MMD2: variants seen among roughly 807,000 people sequenced by gnomAD.
MMD2 encodes the protein monocyte to macrophage differentiation factor 2.
A neutral mutation model predicts 33.5 loss-of-function variants in MMD2; 30 were observed. The ratio of observed to expected loss-of-function variants is 0.90; its 90% CI spans 0.67 to 1.22. MMD2 has a LOEUF of 1.22. Ranked by LOEUF, MMD2 falls within the 50% of genes most tolerant of loss-of-function variation. The pLI is 0.00. For synonymous variants in MMD2, 129 were observed against 123.0 expected (o/e 1.05, Z -0.32); for missense variants, 364 against 325.4 (o/e 1.12, Z -0.91).
At chr7:4,923,707 A>T (rs181712883) in intron 2 of MMD2, among the ~76,000 whole-genome samples, 2 of 152,232 alleles carry the variant, frequency 1.3e-5, no homozygotes, top group Admixed American at 6.5e-5. Flanking sequence ...CCTCCCTTGC[A>T]AAAGAGGGAA....
At chr7:4,934,642 T>C (rs1785688286) in intron 1 of MMD2, among the ~76,000 whole-genome samples, 1 of 152,158 alleles carries the variant, frequency 6.6e-6, no homozygotes, top group African/African-American at 2.4e-5. Context: ...TGGCCATGGC[T>C]TGGTGGAGGA....
At chr7:4,920,463 A>G (rs2115103750) in intron 2 of MMD2, 132 bp from the exon 3 acceptor site, 2 of 814,286 alleles carry the variant, frequency 2.5e-6, no homozygotes, top group Non-Finnish European at 1.9e-6. Context: ...GCCACTGAAG[A>G]ACGGAATCAT....
chr7:4,943,778 A>G (rs1179844324), intron 1 of MMD2, among the ~76,000 whole-genome samples: 1 of 152,018 alleles, frequency 6.6e-6, no homozygotes, highest in African/African-American at 2.4e-5. Flanking sequence ...TTGAAGACAA[A>G]TCACTGTTGT....
At chr7:4,936,739 T>G (rs1785750760) in intron 1 of MMD2, among the ~76,000 whole-genome samples, 1 of 151,910 alleles carries the variant, frequency 6.6e-6, no homozygotes, top group South Asian at 2.1e-4. Context: ...CAGAATATTT[T>G]ATTTTATTTT....
Position 4,907,234 on chromosome 7 carries a change from G to C in MMD2, c.*162C>G, listed in dbSNP as rs1004410382. 3 of 641,638 alleles carry C rather than the reference G, an allele frequency of 4.7e-6. No homozygotes were observed. The highest frequency in any genetic ancestry group is 8.3e-6 in the Non-Finnish European group (3 of 361,308). 39.7% of individuals were successfully genotyped at this position (641,638 alleles called of 1,614,324 possible). ...GGCTAAATGCTTTCTTTCTCGCTGGGGACTCGAGGGATGATCTGGCTGTCA... is the reference window on the plus strand; with the variant it reads ...GGCTAAATGCTTTCTTTCTCGCTGGCGACTCGAGGGATGATCTGGCTGTCA... On this transcript the variant is annotated 3_prime_UTR_variant, in exon 7 of 7. Transcript: ENST00000401401.
intron 1 of MMD2, 52 bp from the exon 2 acceptor site, chr7:4,925,584 C>A: frequency 7.0e-7 from 1 of 1,426,202 alleles, no homozygotes; most frequent in South Asian, 1.4e-5. Context: ...GAGGTGCCAT[C>A]CGAATTCCCA....
chr7:4,912,737 G>T (rs933111776), intron 4 of MMD2, among the ~76,000 whole-genome samples: 1 of 151,868 alleles, frequency 6.6e-6, no homozygotes, highest in Non-Finnish European at 1.5e-5. Flanking sequence ...ATGGATTCTC[G>T]CTCTGTCACC....
chr7:4,922,522 A>T (rs1785314656), intron 2 of MMD2, among the ~76,000 whole-genome samples: 2 of 152,210 alleles, frequency 1.3e-5, no homozygotes, highest in African/African-American at 4.8e-5. Flanking sequence ...ATTTGGGGAC[A>T]TGCTTCTCAT....
intron 4 of MMD2, among the ~76,000 whole-genome samples, chr7:4,912,486 C>T (rs1287516764): frequency 2.0e-5 from 3 of 150,472 alleles, no homozygotes; most frequent in African/African-American, 7.3e-5. Flanking sequence ...GGCGTGAACC[C>T]GGGAGGCAGA....
At chr7:4,936,635 C>T (rs1583387479) in intron 1 of MMD2, among the ~76,000 whole-genome samples, 1 of 152,118 alleles carries the variant, frequency 6.6e-6, no homozygotes, top group Non-Finnish European at 1.5e-5. Flanking sequence ...TAAAGCAATC[C>T]TCCTGCCTCA....
chr7:4,953,540 G>C (rs1786306725), intron 1 of MMD2, among the ~76,000 whole-genome samples: 2 of 150,024 alleles, frequency 1.3e-5, no homozygotes, highest in African/African-American at 4.9e-5. Flanking sequence ...GCAAGATCTT[G>C]GCTCACTGCA....
chr7:4,930,569 G>A (rs929898351), intron 1 of MMD2, among the ~76,000 whole-genome samples: 2 of 151,256 alleles, frequency 1.3e-5, no homozygotes, highest in Non-Finnish European at 2.9e-5. Flanking sequence ...GCTTGAACCT[G>A]GGAGGCGGAG....
At chr7:4,916,928 C>T (rs753868315) in intron 3 of MMD2, among the ~76,000 whole-genome samples, 1 of 151,984 alleles carries the variant, frequency 6.6e-6, no homozygotes, top group African/African-American at 2.4e-5. Flanking sequence ...GAAGATCAGC[C>T]AGGCATAATT....
chr7:4,943,709 G>A (rs1305810045), intron 1 of MMD2, among the ~76,000 whole-genome samples: 2 of 152,144 alleles, frequency 1.3e-5, no homozygotes, highest in African/African-American at 4.8e-5. Flanking sequence ...TAGCCCTTCT[G>A]GAAAATTCCT....
At chr7:4,938,305 G>A (rs375558602) in intron 1 of MMD2, among the ~76,000 whole-genome samples, 22 of 152,036 alleles carry the variant, frequency 1.4e-4, no homozygotes, top group South Asian at 1.0e-3. Flanking sequence ...CACCACGCCC[G>A]GCCCAACAAT....
intron 1 of MMD2, among the ~76,000 whole-genome samples, chr7:4,939,367 T>C (rs540475267): frequency 6.6e-6 from 1 of 152,062 alleles, no homozygotes; most frequent in South Asian, 2.1e-4. Flanking sequence ...AGCAAGACCC[T>C]TTCTCTACAA....
intron 1 of MMD2, among the ~76,000 whole-genome samples, chr7:4,953,888 T>C (rs1489764903): frequency 6.6e-6 from 1 of 151,990 alleles, no homozygotes; most frequent in Non-Finnish European, 1.5e-5. Flanking sequence ...GGAGATGGAG[T>C]TGTTCTATCA....
At chr7:4,924,932 T>C (rs1003961930) in intron 2 of MMD2, among the ~76,000 whole-genome samples, 3 of 151,814 alleles carry the variant, frequency 2.0e-5, no homozygotes, top group African/African-American at 7.3e-5. Flanking sequence ...AAGGTTCTTT[T>C]TTGTTTGTTT....
In MMD2 at chr7:4,907,500, C is replaced by T. The variant is rs377008684; in HGVS notation, c.637G>A (p.Ala213Thr). The T allele has an allele frequency of 3.4e-5, 55 of 1,613,820 alleles. No individual in the cohort carries two copies. Among genetic ancestry groups the T allele is most frequent in the Non-Finnish European group, 4.1e-5 (48 of 1,179,904 alleles). The change falls in exon 7 of 7, where the codon GCC becomes ACC. Residue 213 changes from alanine to threonine, a missense_variant. Physicochemically the swap from Ala to Thr is moderately conservative, Grantham distance 58. Coordinates refer to ENST00000401401, the MANE Select transcript of MMD2 (RefSeq NM_198403.4). ...AATGCTACAAAGAGATGCCAGATGGCGTGGGCAAAGGGGATCCTCCCGTCA... is the reference window on the plus strand; with the variant it reads ...AATGCTACAAAGAGATGCCAGATGGTGTGGGCAAAGGGGATCCTCCCGTCA... ...KSDGRIPFAH[A>T]IWHLFVAFGA... is the part of the protein sequence containing the mutation.
Sources: allele counts gnomAD v4.1 joint callset (sites outside exome capture counted in the v4.1 genomes callset), GRCh38; gene constraint gnomAD v4.1.1; transcripts MANE v1.5; gene names NCBI Gene and HGNC (gene_info 2026-07-23, HGNC 2026-07-21).